The following LSAMP variants were observed in gnomAD, a reference collection of about 807,000 sequenced individuals.
LSAMP encodes limbic system-associated membrane protein.
A neutral mutation model predicts 38.6 loss-of-function variants in LSAMP; 7 were observed. That is an observed-to-expected ratio of 0.18 (90% confidence interval 0.10 to 0.34). LSAMP has a LOEUF of 0.34. Ranked by LOEUF, LSAMP falls within the 10% of genes least tolerant of loss-of-function variation. The probability of loss-of-function intolerance (pLI) is 1.00; values close to 1 mark genes in which losing one functional copy is unlikely to be tolerated. For missense variants in LSAMP, 313 were observed against 420.0 expected (o/e 0.75, Z 2.23); for synonymous variants, 154 against 166.8 (o/e 0.92, Z 0.59).
At position 116,226,162 on chromosome 3, in the gene LSAMP, C is replaced by A. The variant is rs76611681; in HGVS notation, c.156-139606G>T. ...GTAAGCTGCTATACAAAACGGTAACCATGATTTCCTTACCCCCCAACCCTC... is the reference window on the plus strand; with the variant it reads ...GTAAGCTGCTATACAAAACGGTAACAATGATTTCCTTACCCCCCAACCCTC... On this transcript the variant is annotated intron_variant, in intron 1 of 6. Coordinates refer to ENST00000490035, the MANE Select transcript of LSAMP (RefSeq NM_002338.5). Among the ~76,000 whole-genome samples, 399 of 152,208 alleles carry A rather than the reference C, an allele frequency of 2.6e-3. 2 individuals carry two copies. Among genetic ancestry groups the A allele is most frequent in the South Asian group, 0.013 (61 of 4,810 alleles).
At chr3:116,261,275 T>C (rs993318918) in intron 1 of LSAMP, among the ~76,000 whole-genome samples, 1 of 152,214 alleles carries the variant, frequency 6.6e-6, no homozygotes, top group Non-Finnish European at 1.5e-5. Context: ...TTTCCAGTTA[T>C]CAGCATCTTT....
intron 1 of LSAMP, among the ~76,000 whole-genome samples, chr3:116,272,143 C>CAAAT (rs1356535520): frequency 6.7e-6 from 1 of 148,356 alleles, no homozygotes; most frequent in Non-Finnish European, 1.5e-5. Flanking sequence ...GTTCCATAAA[C>CAAAT]AAATAAATAT....
At chr3:116,146,100 C>T (rs1479039819) in intron 1 of LSAMP, among the ~76,000 whole-genome samples, 1 of 151,792 alleles carries the variant, frequency 6.6e-6, no homozygotes, top group Non-Finnish European at 1.5e-5. Flanking sequence ...TTGACTTTTG[C>T]TCCAATTAGC....
chr3:116,444,391 A>AC (rs1559870503), intron 1 of LSAMP, among the ~76,000 whole-genome samples: 9 of 19,670 alleles, frequency 4.6e-4, no homozygotes, highest in African/African-American at 8.8e-4. Flanking sequence ...TTGGCATGAA[A>AC]AACACACACA....
chr3:115,884,611 C>T (rs1429179002), intron 3 of LSAMP, among the ~76,000 whole-genome samples: 3 of 151,922 alleles, frequency 2.0e-5, no homozygotes, highest in African/African-American at 7.2e-5. Context: ...CTACGGAGGG[C>T]TCGCAGATGG....
chr3:115,812,882 A>G (rs1346251681), intron 6 of LSAMP, among the ~76,000 whole-genome samples: 1 of 152,146 alleles, frequency 6.6e-6, no homozygotes, highest in Non-Finnish European at 1.5e-5. Context: ...ATTTTATTTG[A>G]CAGTGATAAG....
intron 3 of LSAMP, among the ~76,000 whole-genome samples, chr3:115,993,023 A>G (rs1405840611): frequency 6.6e-6 from 1 of 152,128 alleles, no homozygotes; most frequent in Non-Finnish European, 1.5e-5. Flanking sequence ...TCGATATTGC[A>G]TAGACATCTG....
chr3:115,826,073 C>T (rs1028005173), intron 6 of LSAMP, among the ~76,000 whole-genome samples: 1 of 151,878 alleles, frequency 6.6e-6, no homozygotes, highest in Non-Finnish European at 1.5e-5. Flanking sequence ...GGTTGTCGTT[C>T]TCTTCCCCTG....
intron 3 of LSAMP, among the ~76,000 whole-genome samples, chr3:115,904,722 C>G (rs1215426588): frequency 2.6e-5 from 4 of 152,082 alleles, no homozygotes; most frequent in Non-Finnish European, 5.9e-5. Context: ...AGAACATCAA[C>G]GTTCCTTCCT....
At chr3:116,082,848 A>G (rs2864067) in intron 2 of LSAMP, among the ~76,000 whole-genome samples, 25,842 of 151,954 alleles carry the variant, frequency 0.17, 2,272 homozygotes, top group African/African-American at 0.21. Context: ...AGAACTTATG[A>G]ACACAAAGAA....
intron 1 of LSAMP, among the ~76,000 whole-genome samples, chr3:116,211,357 T>C (rs949916734): frequency 6.6e-6 from 1 of 151,540 alleles, no homozygotes; most frequent in African/African-American, 2.4e-5. Context: ...TCTCCACAAA[T>C]AAATCATAAA....
At chr3:116,213,206 G>T (rs148025836) in intron 1 of LSAMP, among the ~76,000 whole-genome samples, 201 of 152,228 alleles carry the variant, frequency 1.3e-3, no homozygotes, top group African/African-American at 3.2e-3. Flanking sequence ...GATATGGTTT[G>T]GTTGTGTCCC....
At chr3:116,338,726 A>T (rs1168670103) in intron 1 of LSAMP, among the ~76,000 whole-genome samples, 1 of 152,024 alleles carries the variant, frequency 6.6e-6, no homozygotes, top group Non-Finnish European at 1.5e-5. Context: ...GTGGACTGTC[A>T]TTCTCCTCTA....
Position 116,272,966 on chromosome 3 carries a change from C to A in LSAMP, c.155+171911G>T, listed in dbSNP as rs77193850. On this transcript the variant is annotated intron_variant, in intron 1 of 6. Coordinates refer to ENST00000490035, the MANE Select transcript of LSAMP (RefSeq NM_002338.5). ...GGTAAATTATTTCTGGGGTTTATGA[C>A]ATGCTAATATGTTTCCTTGGATTTC... 3.5e-3 allele frequency among the ~76,000 whole-genome samples: 526 copies of A among 152,166 alleles called. 6 individuals carry two copies. Among genetic ancestry groups the A allele is most frequent in the African/African-American group, 0.012 (511 of 41,522 alleles).
At chr3:116,394,401 C>A (rs2048742141) in intron 1 of LSAMP, among the ~76,000 whole-genome samples, 1 of 152,190 alleles carries the variant, frequency 6.6e-6, no homozygotes, top group Admixed American at 6.5e-5. Flanking sequence ...CTATTGCTCC[C>A]TCTGTTATCC....
intron 1 of LSAMP, 84 bp from the exon 2 acceptor site, chr3:116,086,640 T>C (rs938024643): frequency 9.8e-7 from 1 of 1,018,246 alleles, no homozygotes; most frequent in African/African-American, 1.6e-5. Flanking sequence ...TCAACAAGTC[T>C]AAACAAGGAA....
chr3:115,904,706 C>T (rs1936966170), intron 3 of LSAMP, among the ~76,000 whole-genome samples: 1 of 152,080 alleles, frequency 6.6e-6, no homozygotes, highest in East Asian at 1.9e-4. Context: ...TCATTATCAC[C>T]AGAACAGAAC....
At chr3:115,951,133 CAA>C (rs1938275288) in intron 3 of LSAMP, among the ~76,000 whole-genome samples, 1 of 152,064 alleles carries the variant, frequency 6.6e-6, no homozygotes, top group Non-Finnish European at 1.5e-5. Context: ...TCAAGATGAT[CAA>C]AGACTTAAAT....
Position 115,809,605 on chromosome 3 carries a change from A to C in LSAMP, c.*712T>G, listed in dbSNP as rs1295085751. The C allele has an allele frequency of 2.0e-5, 3 of 152,424 alleles. No individual in the cohort carries two copies. The East Asian group carries it at 5.8e-4, about 29-fold the overall frequency. The allele number at this position is 152,424 out of a possible 1,614,324, so 9.4% of individuals were successfully genotyped here. The stretch of plus-strand genomic sequence containing the variant: ...CTTGAGCACACACGCACAGTGGAGA[A>C]AATGAAAATGGCACTTCCTAGCATT... On this transcript the variant is annotated 3_prime_UTR_variant, in exon 7 of 7. Transcript: ENST00000490035.
Sources: gnomAD v4.1 joint callset for allele counts (sites outside exome capture counted in the v4.1 genomes callset) on GRCh38, gnomAD v4.1.1 for gene constraint, MANE v1.5 for transcripts, NCBI Gene and HGNC (gene_info 2026-07-23, HGNC 2026-07-21) for gene names.